Variants in JPT1 observed in about 807,000 individuals in gnomAD.
JPT1 encodes the protein androgen-regulated protein 2.
In JPT1, 5 loss-of-function variants were observed where a neutral mutation model predicts 17.0. The ratio of observed to expected loss-of-function variants is 0.29; its 90% CI spans 0.15 to 0.62. The LOEUF (loss-of-function observed/expected upper bound fraction) is 0.62, where lower values mean the gene tolerates loss of function less well. Ranked by LOEUF, JPT1 falls within the 20% of genes least tolerant of loss-of-function variation. The probability of loss-of-function intolerance (pLI) is 0.85; values close to 1 mark genes in which losing one functional copy is unlikely to be tolerated. For synonymous variants in JPT1, 71 were observed against 73.6 expected, an observed-to-expected ratio of 0.96 and a Z score of 0.18; for missense variants, 158 against 188.1, an observed-to-expected ratio of 0.84 and a Z score of 0.94.
chr17:75,142,571 AGGGGAGAGGG>A (rs2074336446), intron 4 of JPT1, among the ~76,000 whole-genome samples: 1 of 104,178 alleles, frequency 9.6e-6, no homozygotes. Context: ...GGGGGAGGGG[AGGGGAGAGGG>A]AGGGAGAGGG....
chr17:75,153,397 G>A (rs1385978021), intron 1 of JPT1: 1 of 152,186 alleles, frequency 6.6e-6, no homozygotes, highest in Non-Finnish European at 1.5e-5. Context: ...CGCTTCCCAG[G>A]TAGCGCTACC....
intron 4 of JPT1, chr17:75,142,826 C>T (rs550234127): frequency 6.6e-5 from 30 of 454,920 alleles, no homozygotes; most frequent in Non-Finnish European, 1.2e-4. Context: ...CATACATCTT[C>T]GGTCCAATGC....
rs908839128 is a variant in JPT1, at chr17:75,135,452, T to G, written c.*650A>C. 3 of 152,322 alleles carry G rather than the reference T, an allele frequency of 2.0e-5. No homozygotes were observed. The highest frequency in any genetic ancestry group is 4.4e-5 in the Non-Finnish European group (3 of 68,068). 9.4% of individuals were successfully genotyped at this position (152,322 alleles called of 1,614,324 possible). ...ATTGCCTCCCTTGCTTCACTGCTTT[T>G]AGTTCCAGGCAGTTTCATTGTACAT... On this transcript the variant is annotated 3_prime_UTR_variant, in exon 5 of 5. Coordinates refer to ENST00000409753, the MANE Select transcript of JPT1 (RefSeq NM_016185.4).
At chr17:75,147,802 C>T (rs545319360) in intron 2 of JPT1, 149 bp from the exon 3 acceptor site, 2 of 601,910 alleles carry the variant, frequency 3.3e-6, no homozygotes, top group East Asian at 2.8e-5. Context: ...AGTTCAAGAC[C>T]AGCCTGGCCA....
At position 75,135,461 on chromosome 17, in the gene JPT1, G is replaced by A. The variant is rs1264766665; in HGVS notation, c.*641C>T. On this transcript the variant is annotated 3_prime_UTR_variant, in exon 5 of 5. Coordinates refer to ENST00000409753, the MANE Select transcript of JPT1 (RefSeq NM_016185.4). ...CTTGCTTCACTGCTTTTAGTTCCAGGCAGTTTCATTGTACATCCAAGCCTT... is the reference window on the plus strand; with the variant it reads ...CTTGCTTCACTGCTTTTAGTTCCAGACAGTTTCATTGTACATCCAAGCCTT... The A allele has an allele frequency of 6.6e-6, 1 of 152,254 alleles. No homozygotes were observed. The highest frequency in any genetic ancestry group is 2.4e-5 in the African/African-American group (1 of 41,446). The allele number at this position is 152,254 out of a possible 1,614,324, so 9.4% of individuals were successfully genotyped here. A position where few individuals can be genotyped will look rare whatever the true frequency, so the allele number is the denominator to read the frequency against.
chr17:75,139,493 G>A (rs1190717475), intron 4 of JPT1, among the ~76,000 whole-genome samples: 1 of 152,008 alleles, frequency 6.6e-6, no homozygotes, highest in East Asian at 1.9e-4. Flanking sequence ...AAGCACCTAT[G>A]GAGACTAAAC....
intron 3 of JPT1, 45 bp downstream of exon 3, chr17:75,147,511 C>A (rs2145186533): frequency 3.0e-6 from 4 of 1,320,128 alleles, no homozygotes; most frequent in South Asian, 1.2e-5. Flanking sequence ...ATTTCAGAAT[C>A]ATATTGACCT....
chr17:75,146,760 A>G (rs2074444610), intron 3 of JPT1, 76 bp from the exon 4 acceptor site: 1 of 879,912 alleles, frequency 1.1e-6, no homozygotes, highest in Admixed American at 2.2e-5. Context: ...AGTTCATAGC[A>G]GCTAACATCT....
At chr17:75,151,315 AAAAG>A (rs1275090902) in intron 1 of JPT1, among the ~76,000 whole-genome samples, 1 of 152,004 alleles carries the variant, frequency 6.6e-6, no homozygotes, top group Non-Finnish European at 1.5e-5. Context: ...TAGCCTGGGC[AAAAG>A]AGTGAGACTC....
At chr17:75,137,685 CTTTTTTTTTTTTTTTT>C (rs60118585) in intron 4 of JPT1, among the ~76,000 whole-genome samples, 101 of 112,740 alleles carry the variant, frequency 9.0e-4, no homozygotes, top group Non-Finnish European at 7.6e-4. Flanking sequence ...CCTAGTTTTC[CTTTTTTTTTTTTTTTT>C]TTTTTTTTTT....
chr17:75,150,084 A>C (rs1443606672), intron 1 of JPT1, among the ~76,000 whole-genome samples: 1 of 152,130 alleles, frequency 6.6e-6, no homozygotes, highest in Admixed American at 6.6e-5. Flanking sequence ...GTTCCTTTGA[A>C]TATCATCTGT....
chr17:75,145,249 C>A (rs1300852329), intron 4 of JPT1: 1 of 151,742 alleles, frequency 6.6e-6, no homozygotes, highest in Non-Finnish European at 1.5e-5. Flanking sequence ...TTCAACCTTT[C>A]CGTGTGTCCT....
chr17:75,144,520 TA>T (rs895575393), intron 4 of JPT1, among the ~76,000 whole-genome samples: 4 of 150,594 alleles, frequency 2.7e-5, no homozygotes, highest in East Asian at 3.9e-4. Context: ...TAGAAAAAAA[TA>T]AAAAAAAATG....
intron 4 of JPT1, among the ~76,000 whole-genome samples, chr17:75,139,676 T>C (rs1358694048): frequency 9.2e-5 from 14 of 151,916 alleles, no homozygotes; most frequent in African/African-American, 3.4e-4. Flanking sequence ...AAAAATTAGC[T>C]GGGCGTGTGT....
chr17:75,148,727 A>T, intron 1 of JPT1, 56 bp from the exon 2 acceptor site: 1 of 1,593,050 alleles, frequency 6.3e-7, no homozygotes, highest in Non-Finnish European at 8.6e-7. Flanking sequence ...TTCTTGGCAT[A>T]AATCTTTTCA....
intron 4 of JPT1, among the ~76,000 whole-genome samples, chr17:75,142,470 G>C (rs1420237835): frequency 1.3e-5 from 2 of 150,306 alleles, no homozygotes; most frequent in Admixed American, 1.3e-4. Context: ...TGAGGCAGGA[G>C]AATCACTTGA....
chr17:75,148,119 T>C (rs1254036960), intron 2 of JPT1: 2 of 231,620 alleles, frequency 8.6e-6, no homozygotes, highest in Admixed American at 5.1e-5. Context: ...TAACCCAGTC[T>C]GACTTCAGTC....
intron 4 of JPT1, among the ~76,000 whole-genome samples, chr17:75,138,260 G>A (rs1182292159): frequency 6.6e-6 from 1 of 152,130 alleles, no homozygotes; most frequent in Non-Finnish European, 1.5e-5. Context: ...TCCATACTGG[G>A]CCTTAGTTTT....
chr17:75,142,509 T>G (rs561060981), intron 4 of JPT1, among the ~76,000 whole-genome samples: 1 of 145,336 alleles, frequency 6.9e-6, no homozygotes, highest in East Asian at 2.1e-4. Context: ...CAGTGAGCCG[T>G]GATCGTGCCA....
Sources: allele counts gnomAD v4.1 joint callset (sites outside exome capture counted in the v4.1 genomes callset), GRCh38; gene constraint gnomAD v4.1.1; transcripts MANE v1.5; gene names NCBI Gene and HGNC (gene_info 2026-07-23, HGNC 2026-07-21).